The following FUBP1 variants were observed in gnomAD, a reference collection of about 807,000 sequenced individuals.
FUBP1 encodes the protein far upstream element-binding protein 1.
FUBP1 carries 16 observed loss-of-function variants against 94.9 expected under a neutral mutation model. That is an observed-to-expected ratio of 0.17 (90% CI 0.11 to 0.26). FUBP1 has a LOEUF of 0.26. Ranked by LOEUF, FUBP1 falls within the 10% of genes least tolerant of loss-of-function variation. The pLI, the probability that FUBP1 is intolerant of heterozygous loss-of-function variation, is 1.00. For synonymous variants in FUBP1, 279 were observed against 254.9 expected, an observed-to-expected ratio of 1.09 and a Z score of -0.90; for missense variants, 583 against 808.6, an observed-to-expected ratio of 0.72 and a Z score of 3.38.
At chr1:77,954,010 G>A (rs1034692215) in intron 18 of FUBP1, among the ~76,000 whole-genome samples, 2 of 152,114 alleles carry the variant, frequency 1.3e-5, no homozygotes, top group Non-Finnish European at 2.9e-5. Flanking sequence ...ACCCAAACAC[G>A]TGACCAGGTC....
At chr1:77,979,108 C>G, upstream of FUBP1, 2 of 1,173,254 alleles carry the variant, frequency 1.7e-6, no homozygotes, top group Non-Finnish European at 2.3e-6. Flanking sequence ...TACATTCTTG[C>G]GCGACCATCG....
chr1:77,965,020 T>A, intron 8 of FUBP1, 49 bp downstream of exon 8: 1 of 1,592,172 alleles, frequency 6.3e-7, no homozygotes, highest in Non-Finnish European at 8.6e-7. Context: ...TGGACAAAAA[T>A]GGGCATCAAA....
intron 14 of FUBP1, among the ~76,000 whole-genome samples, chr1:77,961,567 G>A (rs1346734928): frequency 6.6e-6 from 1 of 152,104 alleles, no homozygotes; most frequent in Non-Finnish European, 1.5e-5. Flanking sequence ...TTTTACAGGA[G>A]GAAACCAAGG....
At position 77,969,922 on chromosome 1, in the gene FUBP1, T is replaced by C. The variant is rs1379800220; in HGVS notation, c.211+3A>G. ...AATTTAAAATACTTAGAGTATAACT[T>C]ACCTCCATCTTCTAAAGGTCTTTTT... On this transcript the variant is annotated splice_donor_region_variant and intron_variant, in intron 2 of 19. Coordinates refer to ENST00000370768, the MANE Select transcript of FUBP1 (RefSeq NM_003902.5). 1 of 1,361,552 alleles carries C rather than the reference T, an allele frequency of 7.3e-7. No homozygotes were observed. Among genetic ancestry groups the C allele is most frequent in the African/African-American group, 1.4e-5 (1 of 69,514 alleles). The allele number at this position is 1,361,552 out of a possible 1,614,324, so 84.3% of individuals were successfully genotyped here.
chr1:77,956,672 T>C lies in FUBP1; in HGVS notation c.1605A>G (p.Ala535=), dbSNP rs1384978923. The change falls in exon 17 of 20, where the codon GCA becomes GCG. Residue 535 remains alanine (A), a synonymous_variant. Coordinates refer to ENST00000370768, the MANE Select transcript of FUBP1 (RefSeq NM_003902.5). ...AGTGAGCGTAATAAGCAGCCCAAGC[T>C]GCTGAATTTGGATCCGTTCCTGCCT... ...PAKAGTDPNS[A]AWAAYYAHYY... 6 of 1,612,828 alleles carry C rather than the reference T, an allele frequency of 3.7e-6. No homozygotes were observed. The highest frequency in any genetic ancestry group is 5.1e-6 in the Non-Finnish European group (6 of 1,178,924).
intron 1 of FUBP1, among the ~76,000 whole-genome samples, chr1:77,975,633 A>G (rs983162293): frequency 4.6e-5 from 7 of 152,286 alleles, no homozygotes; most frequent in Non-Finnish European, 7.4e-5. Flanking sequence ...AACCTCGAGG[A>G]AAAAAACGGT....
intron 17 of FUBP1, 107 bp from the exon 18 acceptor site, chr1:77,955,436 A>T (rs1464006165): frequency 1.5e-6 from 1 of 679,126 alleles, no homozygotes; most frequent in Non-Finnish European, 2.7e-6. Flanking sequence ...TGTGACAGTG[A>T]GGGTAGGAGG....
chr1:77,966,821 T>G (rs1034627108), intron 6 of FUBP1, 63 bp downstream of exon 6: 3 of 1,255,700 alleles, frequency 2.4e-6, no homozygotes, highest in Non-Finnish European at 3.4e-6. Context: ...ACTAGAAGGC[T>G]TAAAAAAAAA....
At chr1:77,979,084 C>T (rs189301860), upstream of FUBP1, 1,413 of 1,361,348 alleles carry the variant, frequency 1.0e-3, 25 homozygotes, top group Admixed American at 0.032. Context: ...AAATGGCGGC[C>T]GTCGAAGCTC....
At chr1:77,967,537 ACATAT>A in intron 4 of FUBP1, 85 bp downstream of exon 4, 1 of 906,906 alleles carries the variant, frequency 1.1e-6, no homozygotes. Context: ...ATACACAGAC[ACATAT>A]TCAATATACA....
chr1:77,977,779 T>G (rs1047804489), intron 1 of FUBP1, among the ~76,000 whole-genome samples: 1 of 152,262 alleles, frequency 6.6e-6, no homozygotes, highest in Non-Finnish European at 1.5e-5. Context: ...TTTTGTTGAC[T>G]ACTCCTAGTA....
At position 77,956,563 on chromosome 1, in the gene FUBP1, T is replaced by C; in HGVS notation, c.1705+9A>G. ...TTTGGCTTTCACATACAATAAGTTC[T>C]GTAGTTACCTTGTCCATTAGTTTGA... On this transcript the variant is annotated intron_variant, in intron 17 of 19. Coordinates refer to ENST00000370768, the MANE Select transcript of FUBP1 (RefSeq NM_003902.5). 6.2e-7 allele frequency: 1 copy of C among 1,609,898 alleles called. No homozygotes were observed. The highest frequency in any genetic ancestry group is 8.5e-7 in the Non-Finnish European group (1 of 1,176,418).
intron 3 of FUBP1, among the ~76,000 whole-genome samples, 183 bp downstream of exon 3, chr1:77,967,982 C>A: frequency 6.6e-6 from 1 of 151,952 alleles, no homozygotes; most frequent in East Asian, 1.9e-4. Context: ...ATATACCCGG[C>A]CACAATTAAT....
chr1:77,960,304 G>A (rs201588472), intron 15 of FUBP1, 40 bp downstream of exon 15: 1 of 1,611,982 alleles, frequency 6.2e-7, no homozygotes, highest in Non-Finnish European at 8.5e-7. Context: ...CCCAAAACTA[G>A]AATCTTTGGG....
Position 77,945,407 on chromosome 1 carries a change from T to C in FUBP1, c.*3359A>G, listed in dbSNP as rs116068632. The C allele has an allele frequency of 2.9e-4, 61 of 212,554 alleles. No individual in the cohort carries two copies. The highest frequency in any genetic ancestry group is 1.2e-3 in the African/African-American group (54 of 44,326). 13.2% of individuals were successfully genotyped at this position (212,554 alleles called of 1,614,324 possible). On this transcript the variant is annotated 3_prime_UTR_variant, in exon 20 of 20. Transcript: ENST00000370768. ...ATTTAAGATCAAGTGAATAGCACTT[T>C]AAAATGAAAAGTGATCAAAAGCAGG...
intron 1 of FUBP1, among the ~76,000 whole-genome samples, chr1:77,975,231 C>T (rs949269464): frequency 6.6e-6 from 1 of 152,060 alleles, no homozygotes; most frequent in Non-Finnish European, 1.5e-5. Context: ...TGTTGAGTAC[C>T]TACTATAGGC....
At chr1:77,966,604 TA>T in intron 7 of FUBP1, 89 bp downstream of exon 7, 2 of 753,496 alleles carry the variant, frequency 2.7e-6, no homozygotes, top group Non-Finnish European at 4.7e-6. Context: ...AACCACAGTG[TA>T]AAATAAAGCA....
chr1:77,948,030 C>G lies in FUBP1; in HGVS notation c.*736G>C. 1 of 1,032,552 alleles carries G rather than the reference C, an allele frequency of 9.7e-7. No individual in the cohort carries two copies. The highest frequency in any genetic ancestry group is 1.2e-6 in the Non-Finnish European group (1 of 853,234). The allele number at this position is 1,032,552 out of a possible 1,614,324, so 64.0% of individuals were successfully genotyped here. On this transcript the variant is annotated 3_prime_UTR_variant, in exon 20 of 20. Coordinates refer to ENST00000370768, the MANE Select transcript of FUBP1 (RefSeq NM_003902.5). ...AACAGTCTTGGAAATCAAGTATTAT[C>G]AAATTAAGAACAGAAAGGTTAACTG...
rs1235032696 is a variant in FUBP1 at position 77,960,233 on chromosome 1, T to C, written c.1527A>G (p.Gly509=). The C allele has an allele frequency of 6.2e-7, 1 of 1,611,886 alleles. No individual in the cohort carries two copies. The highest frequency in any genetic ancestry group is 8.5e-7 in the Non-Finnish European group (1 of 1,178,416). Residue 509 remains glycine (G), a synonymous_variant, in exon 16 of 20, where the codon GGA becomes GGG. Transcript: ENST00000370768. ...GCCAGTGTGGATATGCATTTCCCCA[T>C]CCCTGGGGAGCATATGGGGCTGGAG... ...HGPPAPYAPQ[G]WGNAYPHWQQ...
Sources: allele counts gnomAD v4.1 joint callset (sites outside exome capture counted in the v4.1 genomes callset), GRCh38; gene constraint gnomAD v4.1.1; transcripts MANE v1.5; gene names NCBI Gene and HGNC (gene_info 2026-07-23, HGNC 2026-07-21).